Variants in FAM13B observed in about 807,000 individuals in gnomAD.
FAM13B encodes family with sequence similarity 13 member B, also known as protein FAM13B.
FAM13B carries 60 observed loss-of-function variants against 117.3 expected under a neutral mutation model. The observed-to-expected ratio is 0.51, with a 90% CI of 0.42 to 0.63. FAM13B has a LOEUF of 0.63. Ranked by LOEUF, FAM13B falls within the 30% of genes least tolerant of loss-of-function variation. The probability of loss-of-function intolerance (pLI) is 0.00; values close to 1 mark genes in which losing one functional copy is unlikely to be tolerated. For synonymous variants in FAM13B, 332 were observed against 356.1 expected (o/e 0.93, Z 0.76); for missense variants, 972 against 1,091.9 (o/e 0.89, Z 1.55).
At chr5:137,947,994 G>A (rs1289082776) in intron 18 of FAM13B, among the ~76,000 whole-genome samples, 1 of 152,082 alleles carries the variant, frequency 6.6e-6, no homozygotes, top group East Asian at 1.9e-4. Context: ...GATCATGAGA[G>A]AGGTGTACTC....
intron 10 of FAM13B, among the ~76,000 whole-genome samples, chr5:137,966,480 TATATATATAGAGAG>T (rs1160141900): frequency 1.2e-3 from 73 of 59,068 alleles, no homozygotes; most frequent in Non-Finnish European, 8.0e-4. Context: ...TATATATATA[TATATATATAGAGAG>T]AGAGAGAGAG....
Position 137,938,267 on chromosome 5 carries a change from C to T in FAM13B, c.*1958G>A, listed in dbSNP as rs1212182645. ...TAATTCTAAAATGAAACCAGTCAGA[C>T]CACTGACTTATAAAAATATGGTACT... On this transcript the variant is annotated 3_prime_UTR_variant, in exon 24 of 24. Transcript: ENST00000689681. 1 of 152,384 alleles carries T rather than the reference C, an allele frequency of 6.6e-6. No individual in the cohort carries two copies. The highest frequency in any genetic ancestry group is 2.4e-5 in the African/African-American group (1 of 41,362). 9.4% of individuals were successfully genotyped at this position (152,384 alleles called of 1,614,324 possible).
intron 4 of FAM13B, among the ~76,000 whole-genome samples, chr5:138,012,969 T>A (rs778544297): frequency 1.4e-5 from 2 of 147,154 alleles, no homozygotes; most frequent in Admixed American, 6.8e-5. Context: ...TTTGAGAGGC[T>A]GAGACAGGCG....
At chr5:137,950,251 G>A (rs73299219) in intron 17 of FAM13B, among the ~76,000 whole-genome samples, 21,984 of 152,002 alleles carry the variant, frequency 0.14, 1,766 homozygotes, top group Non-Finnish European at 0.17. Context: ...TACATTGGAC[G>A]GGATTGACAA....
chr5:137,980,176 GAA>G (rs528372296), intron 10 of FAM13B, among the ~76,000 whole-genome samples: 3 of 114,016 alleles, frequency 2.6e-5, no homozygotes, highest in Non-Finnish European at 3.6e-5. Flanking sequence ...TCCGTCTCAA[GAA>G]AAAAAAAAAA....
chr5:138,021,942 C>A (rs1237680045), intron 1 of FAM13B, among the ~76,000 whole-genome samples: 1 of 151,850 alleles, frequency 6.6e-6, no homozygotes, highest in Non-Finnish European at 1.5e-5. Flanking sequence ...TATAGTGAGA[C>A]CCCATCTCTA....
At chr5:138,006,692 C>A (rs1390113424) in intron 7 of FAM13B, among the ~76,000 whole-genome samples, 1 of 152,248 alleles carries the variant, frequency 6.6e-6, no homozygotes, top group Non-Finnish European at 1.5e-5. Context: ...GTATCCTTCT[C>A]TAACGATGCT....
intron 1 of FAM13B, among the ~76,000 whole-genome samples, chr5:138,030,748 GGGCAAGGT>G (rs1323475698): frequency 9.1e-5 from 13 of 143,564 alleles, no homozygotes; most frequent in Non-Finnish European, 1.4e-4. Flanking sequence ...ACGTAAGGCT[GGGCAAGGT>G]GGCAAGGTGG....
intron 10 of FAM13B, among the ~76,000 whole-genome samples, chr5:137,976,158 T>C (rs1312722933): frequency 6.6e-6 from 1 of 151,968 alleles, no homozygotes; most frequent in Non-Finnish European, 1.5e-5. Flanking sequence ...GGTTTCACCA[T>C]GTTAGCCAGG....
intron 7 of FAM13B, among the ~76,000 whole-genome samples, chr5:137,994,947 C>T (rs954886281): frequency 3.3e-5 from 5 of 152,120 alleles, no homozygotes; most frequent in Admixed American, 6.6e-5. Context: ...ATATTTAATG[C>T]TACAAACGAT....
chr5:138,036,182 T>C, upstream of FAM13B: 2 of 353,390 alleles, frequency 5.7e-6, no homozygotes, highest in South Asian at 4.2e-5. Context: ...TTTATTTTAA[T>C]GTTTTTCCAG....
At chr5:138,050,438 A>AAAACAAAC (rs33916276) in intron 1 of FAM13B, among the ~76,000 whole-genome samples, 1 of 150,634 alleles carries the variant, frequency 6.6e-6, no homozygotes, top group African/African-American at 2.4e-5. Context: ...ACTCCGTCTC[A>AAAACAAAC]AAACAAACAA....
rs751698588 is a variant in FAM13B at position 138,018,416 on chromosome 5, C to T, written c.256G>A (p.Val86Ile). The change falls in exon 4 of 24, where the codon GTT becomes ATT. Residue 86 changes from valine (V) to isoleucine (I), a missense_variant. Val to Ile is a conservative substitution (Grantham distance 29, BLOSUM62 3). Coordinates refer to ENST00000689681, the MANE Select transcript of FAM13B (RefSeq NM_001385994.1). Reference sequence around the variant, plus strand: ...GCTGAGGGAACATCTGCTTCCTTAACCAAATCCACCTCTTCTCCGCTGTCG... The same window carrying T: ...GCTGAGGGAACATCTGCTTCCTTAATCAAATCCACCTCTTCTCCGCTGTCG... Reference protein sequence around the residue: ...RYDSGEEVDLVKEADVPSAIS... With the variant: ...RYDSGEEVDLIKEADVPSAIS... 5.6e-6 allele frequency: 9 copies of T among 1,614,162 alleles called. No homozygotes were observed. The highest frequency in any genetic ancestry group is 7.6e-6 in the Non-Finnish European group (9 of 1,180,020).
rs528372296 is a variant in FAM13B, at chr5:137,980,176, G to GA, written c.1179+5080dup. Among the ~76,000 whole-genome samples the GA allele has an allele frequency of 2.8e-3, 315 of 113,946 alleles. 1 individual carries two copies. The highest frequency in any genetic ancestry group is 3.1e-3 in the East Asian group (12 of 3,860). 74.8% of individuals were successfully genotyped at this position (113,946 alleles called of 152,430 possible). A position where few individuals can be genotyped will look rare whatever the true frequency, so the allele number is the denominator to read the frequency against. ...CGACAAGAATGAAACTCCGTCTCAAGAAAAAAAAAAAAAAGAAAGAAAACT... is the reference window on the plus strand; with the variant it reads ...CGACAAGAATGAAACTCCGTCTCAAGAAAAAAAAAAAAAAAGAAAGAAAACT... On this transcript the variant is annotated intron_variant, in intron 10 of 23. Transcript: ENST00000689681.
rs567687360 is a variant in FAM13B at position 138,006,824 on chromosome 5, A to T, written c.848+166T>A. 5.9e-5 allele frequency among the ~76,000 whole-genome samples: 9 copies of T among 152,376 alleles called. No homozygotes were observed. The East Asian group carries it at 1.7e-3, about 29-fold the overall frequency. On this transcript the variant is annotated intron_variant, in intron 7 of 23. Coordinates refer to ENST00000689681, the MANE Select transcript of FAM13B (RefSeq NM_001385994.1). Reference sequence around the variant, plus strand: ...AAAAGGTATTAACACTAATAACTGAAAATTCCTTAGCAAGACTGCATCTTT... The same window carrying T: ...AAAAGGTATTAACACTAATAACTGATAATTCCTTAGCAAGACTGCATCTTT...
intron 5 of FAM13B, 131 bp from the exon 6 acceptor site, chr5:138,011,280 T>C (rs1783934421): frequency 3.8e-6 from 3 of 795,420 alleles, no homozygotes; most frequent in Non-Finnish European, 6.0e-6. Context: ...TTCTCCCATC[T>C]GTAAAACCTA....
intron 7 of FAM13B, among the ~76,000 whole-genome samples, chr5:137,996,968 G>A (rs1274976157): frequency 6.6e-6 from 1 of 152,092 alleles, no homozygotes; most frequent in Non-Finnish European, 1.5e-5. Flanking sequence ...ATAACACGAA[G>A]TAATTTTTTT....
chr5:138,033,907 C>T (rs1044918968), upstream of FAM13B: 6 of 152,156 alleles, frequency 3.9e-5, no homozygotes, highest in East Asian at 1.2e-3. Context: ...TTCAGTTGTC[C>T]CTTACCTACC....
intron 15 of FAM13B, 136 bp from the exon 16 acceptor site, chr5:137,953,601 A>G: frequency 1.2e-6 from 1 of 840,642 alleles, no homozygotes; most frequent in Non-Finnish European, 1.8e-6. Flanking sequence ...AAGGACAGGT[A>G]GTATAAAGAA....
Sources: gnomAD v4.1 joint callset for allele counts (sites outside exome capture counted in the v4.1 genomes callset) on GRCh38, gnomAD v4.1.1 for gene constraint, MANE v1.5 for transcripts, NCBI Gene and HGNC (gene_info 2026-07-23, HGNC 2026-07-21) for gene names.